The following HPSE2 variants were observed in gnomAD, a reference collection of about 807,000 sequenced individuals.
HPSE2 encodes the protein heparanase 2 (inactive), also known as inactive heparanase-2.
Under a neutral mutation model 60.5 loss-of-function variants are expected in HPSE2, and 38 were observed. The observed-to-expected ratio is 0.63, with a 90% CI of 0.48 to 0.82. The LOEUF is 0.82. HPSE2 is among the 40% of genes least tolerant of loss of function. The probability of loss-of-function intolerance (pLI) is 0.00; values close to 1 mark genes in which losing one functional copy is unlikely to be tolerated. For synonymous variants in HPSE2, 295 were observed against 293.2 expected (o/e 1.01, Z -0.06); for missense variants, 713 against 740.4 (o/e 0.96, Z 0.43).
intron 3 of HPSE2, among the ~76,000 whole-genome samples, chr10:98,829,874 TTTC>T (rs1482697105): frequency 6.6e-6 from 1 of 152,158 alleles, no homozygotes; most frequent in Non-Finnish European, 1.5e-5. Context: ...TAAAATTTTA[TTTC>T]TTCTAAGAAA....
chr10:98,604,606 A>T (rs966246372), intron 9 of HPSE2, among the ~76,000 whole-genome samples: 1 of 152,216 alleles, frequency 6.6e-6, no homozygotes, highest in Non-Finnish European at 1.5e-5. Context: ...ATGGACCCCA[A>T]CAATTCTAAT....
intron 3 of HPSE2, among the ~76,000 whole-genome samples, chr10:98,846,258 C>A (rs7097508): frequency 0.66 from 99,606 of 152,058 alleles, 33,293 homozygotes; most frequent in South Asian, 0.77. Context: ...CTATGTCATG[C>A]CCTGCCTGCC....
intron 2 of HPSE2, among the ~76,000 whole-genome samples, chr10:99,204,150 C>G (rs1848666085): frequency 6.6e-6 from 1 of 152,178 alleles, no homozygotes; most frequent in African/African-American, 2.4e-5. Context: ...ACCCAGACTT[C>G]AGGCTGATGA....
At chr10:99,189,755 T>C (rs752540061) in intron 2 of HPSE2, among the ~76,000 whole-genome samples, 62 of 152,354 alleles carry the variant, frequency 4.1e-4, no homozygotes, top group South Asian at 1.0e-3. Flanking sequence ...ATCTTCTGAA[T>C]GGGCTCTGAC....
intron 5 of HPSE2, among the ~76,000 whole-genome samples, chr10:98,706,181 C>T (rs759397651): frequency 2.0e-5 from 3 of 152,106 alleles, no homozygotes; most frequent in Non-Finnish European, 2.9e-5. Context: ...ATTCCAAATC[C>T]GACCATCTTT....
At chr10:98,788,752 C>T (rs1275959157) in intron 3 of HPSE2, among the ~76,000 whole-genome samples, 2 of 151,636 alleles carry the variant, frequency 1.3e-5, no homozygotes, top group African/African-American at 4.8e-5. Context: ...AAAGGGAACT[C>T]CCTGACCCCT....
chr10:99,132,199 G>A (rs200342412), intron 3 of HPSE2, among the ~76,000 whole-genome samples: 849 of 13,966 alleles, frequency 0.061, 45 homozygotes, highest in Admixed American at 0.078. Context: ...GAAAGAGAGA[G>A]AGAGAGAGAG....
intron 3 of HPSE2, among the ~76,000 whole-genome samples, chr10:98,973,357 C>T (rs1956006195): frequency 1.3e-5 from 2 of 152,166 alleles, no homozygotes; most frequent in Non-Finnish European, 2.9e-5. Context: ...TCTAGATAAA[C>T]TACAAGTCAC....
At chr10:98,684,285 G>A (rs1342201581) in intron 6 of HPSE2, among the ~76,000 whole-genome samples, 1 of 152,140 alleles carries the variant, frequency 6.6e-6, no homozygotes, top group African/African-American at 2.4e-5. Context: ...ATGGCTCCAG[G>A]AGCAGATATC....
At chr10:99,055,756 T>G (rs1270223055) in intron 3 of HPSE2, among the ~76,000 whole-genome samples, 3 of 152,110 alleles carry the variant, frequency 2.0e-5, no homozygotes, top group East Asian at 3.8e-4. Flanking sequence ...GAAGAAAAAT[T>G]AGAATGTATT....
chr10:98,507,693 G>A (rs1388020974), intron 9 of HPSE2, among the ~76,000 whole-genome samples: 1 of 151,594 alleles, frequency 6.6e-6, no homozygotes, highest in Non-Finnish European at 1.5e-5. Context: ...ATGTCCTTAT[G>A]TAATCCAGCT....
chr10:98,462,181 A>T (rs1166734810), intron 11 of HPSE2, among the ~76,000 whole-genome samples: 1 of 151,338 alleles, frequency 6.6e-6, no homozygotes, highest in Non-Finnish European at 1.5e-5. Flanking sequence ...TTTTATTTTT[A>T]TTTATTTATT....
chr10:99,019,715 TG>T (rs1465708122), intron 3 of HPSE2, among the ~76,000 whole-genome samples: 6 of 143,452 alleles, frequency 4.2e-5, no homozygotes, highest in African/African-American at 5.6e-5. Context: ...AGTTTTTTGT[TG>T]TTTTTTTTTT....
chr10:99,251,025 G>C, the HPSE2 span, among the ~76,000 whole-genome samples: 1 of 152,110 alleles, frequency 6.6e-6, no homozygotes, highest in African/African-American at 2.4e-5. Flanking sequence ...GCTAAATTGA[G>C]ACACAAAAAT....
intron 10 of HPSE2, among the ~76,000 whole-genome samples, chr10:98,485,258 G>T (rs561332381): frequency 6.6e-6 from 1 of 152,268 alleles, no homozygotes; most frequent in South Asian, 2.1e-4. Flanking sequence ...AGATGAATTG[G>T]GTTTGGGAAC....
Position 98,934,165 on chromosome 10 carries a change from C to A in HPSE2, c.611-190109G>T, listed in dbSNP as rs192221386. Among the ~76,000 whole-genome samples the A allele has an allele frequency of 2.1e-5, 3 of 144,134 alleles. 1 individual carries two copies. The highest frequency in any genetic ancestry group is 4.5e-5 in the Non-Finnish European group (3 of 67,226). The allele number at this position is 144,134 out of a possible 152,430, so 94.6% of individuals were successfully genotyped here. Reference sequence around the variant, plus strand: ...CATCCCTTTCTTATGAGTCTATGTGCGTCTTTGCACATGAGATGTGTCTCT... The same window carrying A: ...CATCCCTTTCTTATGAGTCTATGTGAGTCTTTGCACATGAGATGTGTCTCT... On this transcript the variant is annotated intron_variant, in intron 3 of 11. Coordinates refer to ENST00000370552, the MANE Select transcript of HPSE2 (RefSeq NM_021828.5).
chr10:98,831,396 G>C (rs943734492), intron 3 of HPSE2, among the ~76,000 whole-genome samples: 1 of 152,104 alleles, frequency 6.6e-6, no homozygotes, highest in South Asian at 2.1e-4. Flanking sequence ...GCTGTACTAC[G>C]AATCAACTAA....
At chr10:99,076,483 G>A (rs1224182451) in intron 3 of HPSE2, among the ~76,000 whole-genome samples, 1 of 152,172 alleles carries the variant, frequency 6.6e-6, no homozygotes, top group Admixed American at 6.5e-5. Context: ...TGCCTTCTGT[G>A]CTCAAGCAAT....
intron 3 of HPSE2, among the ~76,000 whole-genome samples, chr10:99,134,998 C>G (rs921258491): frequency 2.0e-5 from 3 of 151,930 alleles, no homozygotes; most frequent in Non-Finnish European, 4.4e-5. Flanking sequence ...CACACATAGT[C>G]TCAAAATAAA....
Sources: gnomAD v4.1 joint callset for allele counts (sites outside exome capture counted in the v4.1 genomes callset) on GRCh38, gnomAD v4.1.1 for gene constraint, MANE v1.5 for transcripts, NCBI Gene and HGNC (gene_info 2026-07-23, HGNC 2026-07-21) for gene names.